The following KCND3 variants were observed in gnomAD, a reference collection of about 807,000 sequenced individuals.
The protein encoded by KCND3 is potassium voltage-gated channel subfamily D member 3, also known as A-type voltage-gated potassium channel KCND3.
Under a neutral mutation model 51.1 loss-of-function variants are expected in KCND3, and 9 were observed. That is an observed-to-expected ratio of 0.18 (90% confidence interval 0.11 to 0.31). KCND3 has a LOEUF of 0.31. Ranked by LOEUF, KCND3 falls within the 10% of genes least tolerant of loss-of-function variation. KCND3 has a pLI of 1.00. For missense variants in KCND3, 526 were observed against 903.8 expected, an observed-to-expected ratio of 0.58 and a Z score of 5.36; for synonymous variants, 349 against 368.0, an observed-to-expected ratio of 0.95 and a Z score of 0.59.
intron 2 of KCND3, among the ~76,000 whole-genome samples, chr1:111,791,585 A>G (rs1050285136): frequency 2.0e-5 from 3 of 152,218 alleles, no homozygotes; most frequent in African/African-American, 7.2e-5. Context: ...GCTCACTAAC[A>G]AATTACTGTT....
chr1:111,845,318 T>A (rs1484616461), intron 2 of KCND3, among the ~76,000 whole-genome samples: 1 of 152,158 alleles, frequency 6.6e-6, no homozygotes, highest in Non-Finnish European at 1.5e-5. Flanking sequence ...CTCCTCCACC[T>A]GCAATTTAAA....
intron 2 of KCND3, among the ~76,000 whole-genome samples, chr1:111,961,678 C>G (rs1347950207): frequency 1.3e-5 from 2 of 152,102 alleles, no homozygotes; most frequent in African/African-American, 2.4e-5. Context: ...ACCTAGGGAA[C>G]TGGGTATTTT....
chr1:111,965,911 C>T (rs1340646377), intron 2 of KCND3, among the ~76,000 whole-genome samples: 1 of 152,192 alleles, frequency 6.6e-6, no homozygotes, highest in Non-Finnish European at 1.5e-5. Flanking sequence ...GTGTGCCAGG[C>T]ACTCTGCTGG....
At chr1:111,918,004 T>C (rs986677321) in intron 2 of KCND3, among the ~76,000 whole-genome samples, 5 of 152,176 alleles carry the variant, frequency 3.3e-5, no homozygotes, top group African/African-American at 1.2e-4. Context: ...TTTTGTGAGG[T>C]TGTCCTACCC....
chr1:111,854,599 AGAG>A (rs1667976660), intron 2 of KCND3, among the ~76,000 whole-genome samples: 1 of 152,236 alleles, frequency 6.6e-6, no homozygotes, highest in Non-Finnish European at 1.5e-5. Context: ...GCCACTGGGC[AGAG>A]GCTGGTTCTC....
chr1:111,875,667 C>T (rs1294289630), intron 2 of KCND3, among the ~76,000 whole-genome samples: 6 of 152,212 alleles, frequency 3.9e-5, no homozygotes, highest in Non-Finnish European at 5.9e-5. Context: ...AGAATTAATT[C>T]TTGTGTTGCC....
intron 2 of KCND3, among the ~76,000 whole-genome samples, chr1:111,830,247 C>T (rs1383257089): frequency 6.6e-6 from 1 of 152,232 alleles, no homozygotes; most frequent in Non-Finnish European, 1.5e-5. Context: ...GATCCCATCA[C>T]TCCCTGCTTG....
intron 2 of KCND3, among the ~76,000 whole-genome samples, chr1:111,835,685 A>G (rs1282013879): frequency 6.6e-6 from 1 of 152,214 alleles, no homozygotes; most frequent in Non-Finnish European, 1.5e-5. Context: ...GTTACCTTAT[A>G]TAGTCTAAGA....
intron 2 of KCND3, among the ~76,000 whole-genome samples, chr1:111,952,227 A>G (rs2101908771): frequency 6.6e-6 from 1 of 152,280 alleles, no homozygotes; most frequent in East Asian, 1.9e-4. Context: ...CCACTCCTGC[A>G]GCCTCTTAGG....
Position 111,780,545 on chromosome 1 carries a change from G to A in KCND3, c.1371+145C>T. The A allele has an allele frequency of 1.2e-6, 1 of 827,930 alleles. No individual in the cohort carries two copies. The highest frequency in any genetic ancestry group is 2.0e-6 in the Non-Finnish European group (1 of 496,808). 51.3% of individuals were successfully genotyped at this position (827,930 alleles called of 1,614,324 possible). A position where few individuals can be genotyped will look rare whatever the true frequency, so the allele number is the denominator to read the frequency against. On this transcript the variant is annotated intron_variant, in intron 4 of 7. Transcript: ENST00000302127. This position sits in a 1 kb window ranked among gnomAD's most constrained non-coding sequence, Gnocchi z 4.2. ...CCTATGGAAGTGGTGTGTGAATGGG[G>A]GGCTGCTACCTGGGGAAAGTTTGGA...
At chr1:111,869,908 C>T (rs1472231262) in intron 2 of KCND3, among the ~76,000 whole-genome samples, 2 of 151,878 alleles carry the variant, frequency 1.3e-5, no homozygotes, top group African/African-American at 4.8e-5. Context: ...AGAATGAACA[C>T]ACACACACAC....
chr1:111,854,145 G>A (rs1667950184), intron 2 of KCND3: 1 of 152,174 alleles, frequency 6.6e-6, no homozygotes, highest in South Asian at 2.1e-4. Context: ...AGCTGAGAAT[G>A]TTGTACTGCT....
At position 111,874,587 on chromosome 1, in the gene KCND3, C is replaced by T. The variant is rs969192632; in HGVS notation, c.1107-87481G>A. On this transcript the variant is annotated intron_variant, in intron 2 of 7. Transcript: ENST00000302127. ...CAAGTGCAATCTTATACTTCTTACT[C>T]ATAAAGATTTATTTTCCTACTATTT... Among the ~76,000 whole-genome samples, 108 of 152,276 alleles carry T rather than the reference C, an allele frequency of 7.1e-4. 1 individual carries two copies. The highest frequency in any genetic ancestry group is 1.8e-4 in the Non-Finnish European group (12 of 68,030).
chr1:111,780,384 C>T lies in KCND3; in HGVS notation c.1372-70G>A. On this transcript the variant is annotated intron_variant, in intron 4 of 7. Coordinates refer to ENST00000302127, the MANE Select transcript of KCND3 (RefSeq NM_001378969.1). This position sits in a 1 kb window ranked among gnomAD's most constrained non-coding sequence, Gnocchi z 4.2. ...TCCCCTCTCCAGCTCCTTCATTTCTCCACTAAAGGTCAAAGGGCAATAGAA... is the reference window on the plus strand; with the variant it reads ...TCCCCTCTCCAGCTCCTTCATTTCTTCACTAAAGGTCAAAGGGCAATAGAA... 1.4e-6 allele frequency: 2 copies of T among 1,388,826 alleles called. No individual in the cohort carries two copies. Among genetic ancestry groups the T allele is most frequent in the South Asian group, 2.5e-5 (2 of 80,724 alleles). The allele number at this position is 1,388,826 out of a possible 1,614,324, so 86.0% of individuals were successfully genotyped here. A position where few individuals can be genotyped will look rare whatever the true frequency, so the allele number is the denominator to read the frequency against.
intron 2 of KCND3, among the ~76,000 whole-genome samples, chr1:111,976,143 A>G (rs1674612605): frequency 6.6e-6 from 1 of 152,208 alleles, no homozygotes; most frequent in East Asian, 1.9e-4. Flanking sequence ...CCCAGTGTCT[A>G]GTAGGTACTC....
intron 2 of KCND3, among the ~76,000 whole-genome samples, chr1:111,979,923 T>C (rs1285020867): frequency 6.6e-6 from 1 of 152,130 alleles, no homozygotes; most frequent in African/African-American, 2.4e-5. Context: ...TCAAGGGGCA[T>C]CTGAGGGCAC....
intron 2 of KCND3, among the ~76,000 whole-genome samples, chr1:111,886,357 A>C (rs1422679629): frequency 6.6e-6 from 1 of 152,244 alleles, no homozygotes; most frequent in Non-Finnish European, 1.5e-5. Flanking sequence ...AGGCATTGAC[A>C]AGTGTGTACA....
Position 111,780,181 on chromosome 1 carries a change from C to T in KCND3, c.1461+44G>A, listed in dbSNP as rs1386190735. On this transcript the variant is annotated intron_variant, in intron 5 of 7. Transcript: ENST00000302127. This position sits in a 1 kb window ranked among gnomAD's most constrained non-coding sequence, Gnocchi z 4.2. ...TGTGAGTACAGCCTTAGAAAAGGGT[C>T]AGGGTCAGCGATGAAAAGGAGGTGG... 5 of 1,520,078 alleles carry T rather than the reference C, an allele frequency of 3.3e-6. No individual in the cohort carries two copies. In the Admixed American group the frequency reaches 9.8e-5, roughly 30 times the overall value. The allele number at this position is 1,520,078 out of a possible 1,614,324, so 94.2% of individuals were successfully genotyped here.
intron 1 of KCND3, among the ~76,000 whole-genome samples, chr1:111,985,406 G>GGT (rs1332948199): frequency 6.6e-6 from 1 of 152,216 alleles, no homozygotes; most frequent in Non-Finnish European, 1.5e-5. Context: ...TCAATGTGGA[G>GGT]TTCAAGAGTA....
Sources: gnomAD v4.1 joint callset for allele counts (sites outside exome capture counted in the v4.1 genomes callset) on GRCh38, gnomAD v4.1.1 for gene constraint, Gnocchi (gnomAD v3.1) non-coding constraint, MANE v1.5 for transcripts, NCBI Gene and HGNC (gene_info 2026-07-23, HGNC 2026-07-21) for gene names.